The following ARFGAP3 variants were observed in gnomAD, a reference collection of about 807,000 sequenced individuals.
ARFGAP3 encodes the protein ARF GTPase activating protein 3, also known as ADP-ribosylation factor GTPase-activating protein 3.
Under a neutral mutation model 75.0 loss-of-function variants are expected in ARFGAP3, and 72 were observed. That is an observed-to-expected ratio of 0.96 (90% CI 0.79 to 1.17). The LOEUF (loss-of-function observed/expected upper bound fraction) is 1.17. Ranked by LOEUF, ARFGAP3 falls within the 50% of genes most tolerant of loss-of-function variation. ARFGAP3 has a pLI of 0.00. For synonymous variants in ARFGAP3, 221 were observed against 217.9 expected (o/e 1.01, Z -0.13); for missense variants, 620 against 626.6 (o/e 0.99, Z 0.11).
At chr22:42,843,585 T>A (rs186715771) in intron 2 of ARFGAP3, among the ~76,000 whole-genome samples, 170 of 152,312 alleles carry the variant, frequency 1.1e-3, no homozygotes, top group South Asian at 1.2e-3. Context: ...TTGCAAATGT[T>A]ACCTCTTTTA....
intron 5 of ARFGAP3, 139 bp from the exon 6 acceptor site, chr22:42,831,775 T>C: frequency 6.9e-7 from 1 of 1,454,690 alleles, no homozygotes; most frequent in Non-Finnish European, 9.0e-7. Context: ...GCATATCTAC[T>C]TTTTTCTTGC....
chr22:42,817,133 A>T lies in ARFGAP3; in HGVS notation c.1064+9T>A. The T allele has an allele frequency of 6.3e-7, 1 of 1,577,554 alleles. No homozygotes were observed. Among genetic ancestry groups the T allele is most frequent in the Non-Finnish European group, 8.7e-7 (1 of 1,147,362 alleles). ...AATGACACTTCAACGATGATTTGTA[A>T]TACAGTACCTTGAGCTGGAAGTAAA... On this transcript the variant is annotated intron_variant, in intron 11 of 15. Coordinates refer to ENST00000263245, the MANE Select transcript of ARFGAP3 (RefSeq NM_014570.5).
At chr22:42,843,311 A>G (rs1926868150) in intron 2 of ARFGAP3, among the ~76,000 whole-genome samples, 1 of 152,150 alleles carries the variant, frequency 6.6e-6, no homozygotes, top group Admixed American at 6.5e-5. Context: ...TATGCATACA[A>G]AAAGTCGCTA....
intron 6 of ARFGAP3, 168 bp from the exon 7 acceptor site, chr22:42,827,167 A>G (rs944227423): frequency 1.2e-6 from 1 of 844,230 alleles, no homozygotes. Context: ...ATTTTGACTT[A>G]AAAGTCCATT....
chr22:42,803,526 A>G (rs1000893580), intron 14 of ARFGAP3, among the ~76,000 whole-genome samples: 13 of 152,206 alleles, frequency 8.5e-5, no homozygotes, highest in African/African-American at 3.1e-4. Context: ...CTGGGTTTTA[A>G]GCTTTTTGTT....
intron 8 of ARFGAP3, 88 bp from the exon 9 acceptor site, chr22:42,822,497 C>A: frequency 1.3e-6 from 2 of 1,494,746 alleles, no homozygotes; most frequent in South Asian, 1.3e-5. Flanking sequence ...TAGGACCTGC[C>A]AGGCACTGTG....
intron 6 of ARFGAP3, among the ~76,000 whole-genome samples, chr22:42,827,527 C>T (rs201628414): frequency 3.9e-5 from 6 of 152,210 alleles, no homozygotes; most frequent in African/African-American, 1.4e-4. Flanking sequence ...CCACCATGCC[C>T]GGCTAATTTT....
intron 3 of ARFGAP3, among the ~76,000 whole-genome samples, chr22:42,840,202 G>A (rs1455796473): frequency 1.3e-5 from 2 of 152,076 alleles, no homozygotes; most frequent in African/African-American, 4.8e-5. Context: ...AAAGTTCTAG[G>A]ATTACAAGCA....
intron 15 of ARFGAP3, among the ~76,000 whole-genome samples, chr22:42,798,528 A>G (rs1039317674): frequency 6.6e-6 from 1 of 152,256 alleles, no homozygotes; most frequent in African/African-American, 2.4e-5. Context: ...TTCACTCAAT[A>G]GAATGTGGTT....
At chr22:42,826,918 T>C (rs1926064041) in intron 7 of ARFGAP3, 22 bp downstream of exon 7, 3 of 1,605,432 alleles carry the variant, frequency 1.9e-6, no homozygotes, top group Non-Finnish European at 2.6e-6. Flanking sequence ...TAAATCAGAA[T>C]GTAGGATTTT....
At chr22:42,851,795 ATT>A (rs1927287476) in intron 1 of ARFGAP3, among the ~76,000 whole-genome samples, 4 of 152,356 alleles carry the variant, frequency 2.6e-5, no homozygotes, top group Middle Eastern at 6.8e-3. Context: ...TTGACTGACA[ATT>A]TGTTTTGTTT....
At position 42,807,132 on chromosome 22, in the gene ARFGAP3, G is replaced by C. The variant is rs759861624; in HGVS notation, c.1352C>G (p.Ser451Trp). ...AGCCGAGCTTATGGAGGAACTTGCC[G>C]ACAGCCTCTCTAGGCGGGCCCTGGT... Reference protein sequence around the residue: ...YETRARLERLSASSSISSADL... With the variant: ...YETRARLERLWASSSISSADL... Residue 451 changes from serine to tryptophan, a missense_variant, in exon 14 of 16, where the codon TCG becomes TGG. Ser to Trp is a radical substitution (Grantham distance 177, BLOSUM62 -3). Transcript: ENST00000263245. 1 of 1,612,602 alleles carries C rather than the reference G, an allele frequency of 6.2e-7. No homozygotes were observed. Among genetic ancestry groups the C allele is most frequent in the African/African-American group, 1.3e-5 (1 of 74,906 alleles).
chr22:42,818,246 G>A (rs1439487907), intron 9 of ARFGAP3, among the ~76,000 whole-genome samples: 2 of 126,352 alleles, frequency 1.6e-5, no homozygotes, highest in East Asian at 1.9e-4. Context: ...AGTCTCACTA[G>A]TCTATCTTGA....
At chr22:42,845,049 A>C (rs1926952989) in intron 2 of ARFGAP3, among the ~76,000 whole-genome samples, 1 of 152,192 alleles carries the variant, frequency 6.6e-6, no homozygotes, top group South Asian at 2.1e-4. Flanking sequence ...TTAAACTGGA[A>C]GTATTCTTTA....
chr22:42,817,396 C>T, intron 10 of ARFGAP3, 132 bp from the exon 11 acceptor site: 2 of 1,294,528 alleles, frequency 1.5e-6, no homozygotes, highest in Non-Finnish European at 2.0e-6. Flanking sequence ...AGCAATAAAA[C>T]AATTTTTTTT....
chr22:42,845,709 AAAGGT>A (rs1432938271), intron 2 of ARFGAP3, among the ~76,000 whole-genome samples: 1 of 152,228 alleles, frequency 6.6e-6, no homozygotes, highest in African/African-American at 2.4e-5. Flanking sequence ...TCAAAGACTT[AAAGGT>A]AAGACCTAAA....
chr22:42,802,603 ATTT>A (rs544982207), intron 14 of ARFGAP3, among the ~76,000 whole-genome samples: 2,249 of 133,140 alleles, frequency 0.017, 70 homozygotes, highest in African/African-American at 0.06. Flanking sequence ...CAAAATAAGA[ATTT>A]TTTTTTTTTT....
At chr22:42,821,396 C>A (rs932979704) in intron 9 of ARFGAP3, among the ~76,000 whole-genome samples, 1 of 152,212 alleles carries the variant, frequency 6.6e-6, no homozygotes, top group Non-Finnish European at 1.5e-5. Context: ...TCTCTCCTCA[C>A]CCCAGGCCCT....
intron 14 of ARFGAP3, among the ~76,000 whole-genome samples, chr22:42,799,896 A>G (rs1231866387): frequency 6.6e-6 from 1 of 152,184 alleles, no homozygotes; most frequent in Non-Finnish European, 1.5e-5. Flanking sequence ...CAGGTACAGA[A>G]GTTCACACTT....
Sources: gnomAD v4.1 joint callset for allele counts (sites outside exome capture counted in the v4.1 genomes callset) on GRCh38, gnomAD v4.1.1 for gene constraint, MANE v1.5 for transcripts, NCBI Gene and HGNC (gene_info 2026-07-23, HGNC 2026-07-21) for gene names.